EPHA6: variants seen among roughly 807,000 people sequenced by gnomAD.
EPHA6 encodes the protein ephrin type-A receptor 6.
In EPHA6, 50 loss-of-function variants were observed where a neutral mutation model predicts 112.0. The observed-to-expected ratio is 0.45, with a 90% CI of 0.36 to 0.56. EPHA6 has a LOEUF of 0.56. Ranked by LOEUF, EPHA6 falls within the 20% of genes least tolerant of loss-of-function variation. The probability of loss-of-function intolerance (pLI) is 0.00; values close to 1 mark genes in which losing one functional copy is unlikely to be tolerated. For synonymous variants in EPHA6, 529 were observed against 490.7 expected, an observed-to-expected ratio of 1.08 and a Z score of -1.03; for missense variants, 1,280 against 1,417.4, an observed-to-expected ratio of 0.90 and a Z score of 1.56.
chr3:97,269,401 T>G (rs910804326), intron 5 of EPHA6, among the ~76,000 whole-genome samples: 1 of 152,186 alleles, frequency 6.6e-6, no homozygotes, highest in Non-Finnish European at 1.5e-5. Context: ...ATGGGCTGTT[T>G]CTCAACCTTT....
At chr3:96,828,331 T>G (rs2033800270) in intron 1 of EPHA6, among the ~76,000 whole-genome samples, 1 of 152,032 alleles carries the variant, frequency 6.6e-6, no homozygotes, top group African/African-American at 2.4e-5. Context: ...CTATCTAACA[T>G]GACAGCATTC....
intron 11 of EPHA6, among the ~76,000 whole-genome samples, chr3:97,569,337 T>C (rs2093307132): frequency 6.6e-6 from 1 of 152,182 alleles, no homozygotes; most frequent in Admixed American, 6.5e-5. Flanking sequence ...AAATGAATAA[T>C]CAAATGTTAA....
Position 97,494,135 on chromosome 3 carries a change from A to C in EPHA6, c.2200+10076A>C, listed in dbSNP as rs188853104. ...AGATGTTAGAACCTTTTCTAAAATC[A>C]GGTATTTGACATTTTATCACAACTT... is the stretch of plus-strand genomic sequence containing the variant. On this transcript the variant is annotated intron_variant, in intron 10 of 17. Transcript: ENST00000389672. Among the ~76,000 whole-genome samples the C allele has an allele frequency of 7.5e-4, 114 of 152,308 alleles. 2 individuals carry two copies. Among genetic ancestry groups the C allele is most frequent in the Non-Finnish European group, 1.8e-4 (12 of 68,022 alleles).
intron 5 of EPHA6, among the ~76,000 whole-genome samples, chr3:97,334,934 C>A (rs2082986083): frequency 1.3e-5 from 2 of 152,020 alleles, no homozygotes; most frequent in African/African-American, 4.8e-5. Context: ...TTCTTTTAAA[C>A]CTGTTAAGGT....
At chr3:97,174,253 T>A (rs2076774911) in intron 3 of EPHA6, among the ~76,000 whole-genome samples, 1 of 152,014 alleles carries the variant, frequency 6.6e-6, no homozygotes, top group Admixed American at 6.6e-5. Flanking sequence ...GGCTGAATAG[T>A]ACTTCATTGT....
chr3:97,294,202 G>A (rs1182488015), intron 5 of EPHA6, among the ~76,000 whole-genome samples: 1 of 152,142 alleles, frequency 6.6e-6, no homozygotes, highest in Non-Finnish European at 1.5e-5. Context: ...CCAATTCATA[G>A]TGGGCAGGGC....
chr3:96,843,735 G>T (rs1030705983), intron 1 of EPHA6, among the ~76,000 whole-genome samples: 4 of 152,080 alleles, frequency 2.6e-5, no homozygotes, highest in Admixed American at 2.6e-4. Flanking sequence ...TAACTTGAGG[G>T]TATATGGATT....
chr3:96,935,492 C>T (rs2040531892), intron 2 of EPHA6, among the ~76,000 whole-genome samples: 1 of 150,260 alleles, frequency 6.7e-6, no homozygotes, highest in Non-Finnish European at 1.5e-5. Flanking sequence ...CTTTCTCTTA[C>T]ATAATTCATT....
At chr3:97,674,927 A>G (rs918305995) in intron 14 of EPHA6, among the ~76,000 whole-genome samples, 7 of 152,136 alleles carry the variant, frequency 4.6e-5, no homozygotes, top group African/African-American at 1.7e-4. Context: ...TTTGGGGTGA[A>G]GTTACATGAG....
intron 3 of EPHA6, among the ~76,000 whole-genome samples, chr3:97,152,228 C>A (rs1447427927): frequency 3.3e-5 from 5 of 151,830 alleles, no homozygotes; most frequent in African/African-American, 1.2e-4. Flanking sequence ...GAAAGTTATA[C>A]TAATACATTG....
chr3:97,328,054 C>CATATATATATAT (rs71286029), intron 5 of EPHA6, among the ~76,000 whole-genome samples: 1,756 of 120,800 alleles, frequency 0.015, 132 homozygotes, highest in African/African-American at 0.049. Flanking sequence ...CATATATACA[C>CATATATATATAT]ATATATATAT....
intron 1 of EPHA6, among the ~76,000 whole-genome samples, chr3:96,847,210 ATATAAT>A: frequency 6.6e-6 from 1 of 152,242 alleles, no homozygotes; most frequent in African/African-American, 2.4e-5. Context: ...TAAATCAAAA[ATATAAT>A]TATAACTAGG....
chr3:96,906,324 A>G (rs1395916989), intron 2 of EPHA6, among the ~76,000 whole-genome samples: 1 of 151,936 alleles, frequency 6.6e-6, no homozygotes, highest in Non-Finnish European at 1.5e-5. Flanking sequence ...GTTATGTGAA[A>G]TGGGTCAAGT....
chr3:97,536,864 A>C (rs2092771381), intron 11 of EPHA6, among the ~76,000 whole-genome samples: 1 of 152,136 alleles, frequency 6.6e-6, no homozygotes, highest in Non-Finnish European at 1.5e-5. Context: ...ACCACACACA[A>C]AAAAACGAAA....
chr3:97,039,737 G>T (rs1389448352), intron 3 of EPHA6, among the ~76,000 whole-genome samples: 1 of 151,974 alleles, frequency 6.6e-6, no homozygotes, highest in Non-Finnish European at 1.5e-5. Flanking sequence ...TTTGAAAACT[G>T]ACAATTGTTT....
chr3:97,213,282 A>G (rs1185915598), intron 3 of EPHA6, among the ~76,000 whole-genome samples: 1 of 152,158 alleles, frequency 6.6e-6, no homozygotes, highest in Non-Finnish European at 1.5e-5. Flanking sequence ...AGAGGAGGAC[A>G]GAGAGAAAAA....
chr3:96,942,891 T>C (rs2041052132), intron 2 of EPHA6, among the ~76,000 whole-genome samples: 1 of 152,160 alleles, frequency 6.6e-6, no homozygotes, highest in Non-Finnish European at 1.5e-5. Flanking sequence ...TTTTTTTAAC[T>C]GAAACTAATT....
At chr3:97,342,495 A>G (rs1261640590) in intron 5 of EPHA6, among the ~76,000 whole-genome samples, 1 of 152,218 alleles carries the variant, frequency 6.6e-6, no homozygotes, top group African/African-American at 2.4e-5. Flanking sequence ...AAATAGAATC[A>G]TATGGTGTGT....
At chr3:97,215,763 TATAAAC>T (rs1468974154) in intron 3 of EPHA6, among the ~76,000 whole-genome samples, 2 of 152,228 alleles carry the variant, frequency 1.3e-5, no homozygotes, top group African/African-American at 4.8e-5. Context: ...TTTCTGAAAT[TATAAAC>T]ATATTTTGAA....
Sources: allele counts gnomAD v4.1 joint callset (sites outside exome capture counted in the v4.1 genomes callset), GRCh38; gene constraint gnomAD v4.1.1; transcripts MANE v1.5; gene names NCBI Gene and HGNC (gene_info 2026-07-23, HGNC 2026-07-21).